The following HFM1 variants were observed in gnomAD, a reference collection of about 807,000 sequenced individuals.
The protein encoded by HFM1 is probable ATP-dependent DNA helicase HFM1.
HFM1 carries 169 observed loss-of-function variants against 192.1 expected under a neutral mutation model. The ratio of observed to expected loss-of-function variants is 0.88; its 90% CI spans 0.78 to 1.00. HFM1 has a LOEUF of 1.00. Ranked by LOEUF, HFM1 falls within the 50% of genes least tolerant of loss-of-function variation. The pLI, the probability that HFM1 is intolerant of heterozygous loss-of-function variation, is 0.00. For missense variants in HFM1, 1,661 were observed against 1,668.0 expected, an observed-to-expected ratio of 1.00 and a Z score of 0.07; for synonymous variants, 525 against 537.8, an observed-to-expected ratio of 0.98 and a Z score of 0.33.
At chr1:91,386,616 A>G (rs750976558) in intron 4 of HFM1, among the ~76,000 whole-genome samples, 3 of 152,238 alleles carry the variant, frequency 2.0e-5, no homozygotes, top group Non-Finnish European at 4.4e-5. Context: ...ACAGATAACT[A>G]ATGTTCCATT....
chr1:91,263,014 C>A (rs1275758443), intron 36 of HFM1, among the ~76,000 whole-genome samples: 9 of 152,078 alleles, frequency 5.9e-5, no homozygotes, highest in Non-Finnish European at 1.0e-4. Context: ...TTACTCTGAA[C>A]CTTCTGTATT....
chr1:91,322,204 G>A (rs983768086), intron 23 of HFM1, among the ~76,000 whole-genome samples: 62 of 152,292 alleles, frequency 4.1e-4, no homozygotes, highest in African/African-American at 1.4e-3. Flanking sequence ...TGAGAAGACT[G>A]TCTTATAGAC....
At chr1:91,284,717 A>T (rs1405356506) in intron 30 of HFM1, among the ~76,000 whole-genome samples, 1 of 152,172 alleles carries the variant, frequency 6.6e-6, no homozygotes, top group East Asian at 1.9e-4. Flanking sequence ...AGGCCTGAAA[A>T]TTTTTTAATT....
At chr1:91,397,755 C>T (rs1173554113) in intron 2 of HFM1, among the ~76,000 whole-genome samples, 1 of 152,202 alleles carries the variant, frequency 6.6e-6, no homozygotes, top group East Asian at 1.9e-4. Flanking sequence ...CTACTCACGG[C>T]TACCAGGACG....
chr1:91,280,621 C>T (rs1232694418), intron 30 of HFM1, among the ~76,000 whole-genome samples: 10 of 152,188 alleles, frequency 6.6e-5, no homozygotes, highest in Non-Finnish European at 1.2e-4. Flanking sequence ...ACTTGCCATG[C>T]GGCAGTTTCT....
At chr1:91,366,156 T>C (rs1178977843) in intron 13 of HFM1, among the ~76,000 whole-genome samples, 3 of 152,186 alleles carry the variant, frequency 2.0e-5, no homozygotes, top group African/African-American at 4.8e-5. Flanking sequence ...AATTAGCTAA[T>C]TTGTTCACAA....
chr1:91,303,130 C>G (rs1649091998), intron 30 of HFM1, among the ~76,000 whole-genome samples: 1 of 152,124 alleles, frequency 6.6e-6, no homozygotes, highest in Non-Finnish European at 1.5e-5. Flanking sequence ...ACTGTCATCA[C>G]CATACATACA....
At chr1:91,342,416 G>A (rs1293782513) in intron 20 of HFM1, among the ~76,000 whole-genome samples, 1 of 152,144 alleles carries the variant, frequency 6.6e-6, no homozygotes, top group African/African-American at 2.4e-5. Flanking sequence ...TGTGAGAGGT[G>A]CCCTCCCTAT....
intron 25 of HFM1, among the ~76,000 whole-genome samples, chr1:91,316,741 C>G (rs760400186): frequency 5.9e-5 from 9 of 152,042 alleles, no homozygotes; most frequent in Non-Finnish European, 1.2e-4. Context: ...ATGTTTAGTT[C>G]TACTATACGT....
rs1323191266 is a variant in HFM1 at position 91,381,911 on chromosome 1, A to T, written c.803-929T>A. ...ATCCTGTTTAAACTTACATCATATTACTTCTCTGATCAAATTCCTCCCTTT... is the reference window on the plus strand; with the variant it reads ...ATCCTGTTTAAACTTACATCATATTTCTTCTCTGATCAAATTCCTCCCTTT... On this transcript the variant is annotated intron_variant, in intron 6 of 38. Coordinates refer to ENST00000370425, the MANE Select transcript of HFM1 (RefSeq NM_001017975.6). Among the ~76,000 whole-genome samples, 3 of 152,128 alleles carry T rather than the reference A, an allele frequency of 2.0e-5. No homozygotes were observed. The East Asian group carries it at 5.8e-4, about 29-fold the overall frequency.
chr1:91,338,839 T>C, intron 20 of HFM1: 1 of 439,948 alleles, frequency 2.3e-6, no homozygotes, highest in Non-Finnish European at 4.6e-6. Context: ...CATGCTACTA[T>C]ACAGCCACTG....
At chr1:91,327,142 A>T (rs1215133232) in intron 20 of HFM1, among the ~76,000 whole-genome samples, 1 of 152,232 alleles carries the variant, frequency 6.6e-6, no homozygotes, top group Non-Finnish European at 1.5e-5. Flanking sequence ...ACCAGAAAAC[A>T]AATAACAAAA....
intron 17 of HFM1, among the ~76,000 whole-genome samples, chr1:91,351,112 A>C (rs1656879197): frequency 6.6e-6 from 1 of 152,036 alleles, no homozygotes; most frequent in South Asian, 2.1e-4. Context: ...GTTGAAGCGT[A>C]AATTATATCC....
At position 91,375,437 on chromosome 1, in the gene HFM1, T is replaced by C; in HGVS notation, c.1606A>G (p.Thr536Ala). ...GCAGCCTGTTGCACACCCTTCCTTG[T>C]TGCACAAAACTGAAAATAAATTCAT... ...DQKPTLVFCA[T>A]RKGVQQAASV... Residue 536 changes from threonine (T) to alanine (A), a missense_variant, in exon 13 of 39, where the codon ACA becomes GCA. Coordinates refer to ENST00000370425, the MANE Select transcript of HFM1 (RefSeq NM_001017975.6). 1.2e-6 allele frequency: 2 copies of C among 1,613,064 alleles called. No individual in the cohort carries two copies. The highest frequency in any genetic ancestry group is 3.3e-5 in the Admixed American group (2 of 59,832).
intron 30 of HFM1, among the ~76,000 whole-genome samples, chr1:91,306,531 T>C (rs187721502): frequency 6.6e-5 from 10 of 152,322 alleles, no homozygotes; most frequent in Admixed American, 5.2e-4. Flanking sequence ...CTCTCCTGCA[T>C]ACATGCAATA....
At chr1:91,288,964 GC>G (rs1283626609) in intron 30 of HFM1, among the ~76,000 whole-genome samples, 2 of 151,204 alleles carry the variant, frequency 1.3e-5, no homozygotes, top group African/African-American at 2.4e-5. Flanking sequence ...GGGCAGAGGC[GC>G]CCCCCACCTC....
At chr1:91,373,316 G>A (rs139252214) in intron 13 of HFM1, among the ~76,000 whole-genome samples, 5 of 152,066 alleles carry the variant, frequency 3.3e-5, no homozygotes, top group South Asian at 2.1e-4. Flanking sequence ...ACAAAATTAG[G>A]CAGAAAAAAT....
chr1:91,319,589 CTTTA>C (rs374997334), intron 23 of HFM1, among the ~76,000 whole-genome samples, 199 bp from the exon 24 acceptor site: 2,808 of 151,988 alleles, frequency 0.018, 36 homozygotes, highest in Non-Finnish European at 0.03. Flanking sequence ...TCAAAGTTGT[CTTTA>C]TTTATTTATT....
At position 91,316,103 on chromosome 1, in the gene HFM1, G is replaced by C; in HGVS notation, c.2980C>G (p.Gln994Glu). ...YLPKYELKVE[Q>E]ITRYSDTTAE... ...TCTAAGAAACAGAAAATATTTACCT[G>C]TTCCACTTTAAGTTCATATTTTGGT... The change falls in exon 27 of 39, where the codon CAG becomes GAG. Residue 994 changes from glutamine to glutamate, a missense_variant and splice_region_variant. By Grantham distance (29) the Gln-to-Glu change is conservative. Coordinates refer to ENST00000370425, the MANE Select transcript of HFM1 (RefSeq NM_001017975.6). The C allele has an allele frequency of 4.5e-6, 7 of 1,565,462 alleles. No individual in the cohort carries two copies. The highest frequency in any genetic ancestry group is 6.1e-6 in the Non-Finnish European group (7 of 1,140,962).
Sources: gnomAD v4.1 joint callset for allele counts (sites outside exome capture counted in the v4.1 genomes callset) on GRCh38, gnomAD v4.1.1 for gene constraint, MANE v1.5 for transcripts, NCBI Gene and HGNC (gene_info 2026-07-23, HGNC 2026-07-21) for gene names.